Variants in SSUH2 observed in about 807,000 individuals in gnomAD.
SSUH2 encodes protein SSUH2 homolog.
SSUH2 carries 47 observed loss-of-function variants against 55.3 expected under a neutral mutation model. The observed-to-expected ratio is 0.85, with a 90% CI of 0.67 to 1.08. The LOEUF (loss-of-function observed/expected upper bound fraction) is 1.08. Among genes scored for constraint, SSUH2 ranks in the 50% least tolerant of loss-of-function variants. The pLI is 0.00. For missense variants in SSUH2, 535 were observed against 490.7 expected, an observed-to-expected ratio of 1.09 and a Z score of -0.85; for synonymous variants, 212 against 191.5, an observed-to-expected ratio of 1.11 and a Z score of -0.89.
At chr3:8,653,349 C>A (rs1161046194) in intron 7 of SSUH2, among the ~76,000 whole-genome samples, 1 of 152,168 alleles carries the variant, frequency 6.6e-6, no homozygotes, top group Non-Finnish European at 1.5e-5. Flanking sequence ...AGATTAAAAA[C>A]TAAAAACTAA....
intron 4 of SSUH2, among the ~76,000 whole-genome samples, chr3:8,632,344 G>A (rs774703992): frequency 6.6e-6 from 1 of 152,150 alleles, no homozygotes; most frequent in African/African-American, 2.4e-5. Context: ...TCAAACTAGA[G>A]CTAATTCAGT....
upstream of SSUH2, among the ~76,000 whole-genome samples, chr3:8,648,592 C>G (rs1321742467): frequency 6.6e-6 from 1 of 152,054 alleles, no homozygotes; most frequent in African/African-American, 2.4e-5. Context: ...TTTCTAGAAG[C>G]TTCCAATGAG....
chr3:8,630,859 C>T lies in SSUH2; in HGVS notation c.471G>A (p.Pro157=), dbSNP rs771750632. 9 of 1,507,030 alleles carry T rather than the reference C, an allele frequency of 6.0e-6. No individual in the cohort carries two copies. The South Asian group carries it at 9.5e-5, about 16-fold the overall frequency. 93.4% of individuals were successfully genotyped at this position (1,507,030 alleles called of 1,614,324 possible). A position where few individuals can be genotyped will look rare whatever the true frequency, so the allele number is the denominator to read the frequency against. Residue 157 remains proline, a synonymous_variant, in exon 6 of 12, where the codon CCG becomes CCA. Coordinates refer to ENST00000544814, the MANE Select transcript of SSUH2 (RefSeq NM_001256748.3). ...ACTTCCTGGTGTCTTCCTGAAACAT[C>T]GGAGGACCTTGAACCTTGATGTCCC... The part of the protein sequence containing the change: ...RLWDIKVQGP[P]MFQEDTRKFQ...
chr3:8,663,901 G>C (rs1303755546), intron 5 of SSUH2: 1 of 445,108 alleles, frequency 2.2e-6, no homozygotes. Context: ...CACAAAGGAG[G>C]GAACTGCTTT....
intron 7 of SSUH2, among the ~76,000 whole-genome samples, chr3:8,654,281 G>A (rs1404105411): frequency 6.6e-6 from 1 of 152,192 alleles, no homozygotes; most frequent in African/African-American, 2.4e-5. Flanking sequence ...ACGTCCTAAA[G>A]ACTCCATCTC....
intron 5 of SSUH2, chr3:8,663,830 G>A (rs1242053995): frequency 5.0e-5 from 23 of 456,506 alleles, no homozygotes; most frequent in East Asian, 3.5e-4. Context: ...ATAAATTTAC[G>A]GAAAAATTCT....
Position 8,623,358 on chromosome 3 carries a change from G to A in SSUH2, c.981+191C>T, listed in dbSNP as rs1696836085. The A allele has an allele frequency of 7.9e-6, 4 of 506,726 alleles. No individual in the cohort carries two copies. In the Admixed American group the frequency reaches 1.4e-4, roughly 17 times the overall value. 31.4% of individuals were successfully genotyped at this position (506,726 alleles called of 1,614,324 possible). ...TCTCCTGCGACCCACGGTCCTTCCT[G>A]CCTCTGCGTCTTACTTGCCCTGCTC... On this transcript the variant is annotated intron_variant, in intron 11 of 11. Transcript: ENST00000544814.
chr3:8,653,976 G>C (rs1185620681), intron 7 of SSUH2, among the ~76,000 whole-genome samples: 1 of 152,170 alleles, frequency 6.6e-6, no homozygotes. Flanking sequence ...GATACATTTG[G>C]ACTCAAACAG....
At chr3:8,626,969 A>C (rs1380299504) in intron 8 of SSUH2, 1 of 152,140 alleles carries the variant, frequency 6.6e-6, no homozygotes, top group Non-Finnish European at 1.5e-5. Context: ...GATTCCTTTC[A>C]CTTGCAAATG....
intron 5 of SSUH2, among the ~76,000 whole-genome samples, chr3:8,668,062 AATT>A (rs1474533833): frequency 6.6e-6 from 1 of 152,184 alleles, no homozygotes; most frequent in Non-Finnish European, 1.5e-5. Flanking sequence ...TAAATTAACT[AATT>A]AAAAGACCCA....
intron 5 of SSUH2, among the ~76,000 whole-genome samples, chr3:8,666,563 C>T (rs1704010426): frequency 6.6e-6 from 1 of 152,144 alleles, no homozygotes; most frequent in Non-Finnish European, 1.5e-5. Flanking sequence ...CTCTCCCAAA[C>T]CATGTTTTTC....
At chr3:8,636,308 G>A (rs762446659) in intron 1 of SSUH2, among the ~76,000 whole-genome samples, 4 of 152,076 alleles carry the variant, frequency 2.6e-5, no homozygotes, top group Non-Finnish European at 5.9e-5. Flanking sequence ...CTATTATGCT[G>A]GAGGGACCAT....
intron 6 of SSUH2, among the ~76,000 whole-genome samples, chr3:8,661,338 G>A (rs1186626530): frequency 6.6e-6 from 1 of 152,160 alleles, no homozygotes; most frequent in Non-Finnish European, 1.5e-5. Flanking sequence ...TGCTCTGAAA[G>A]TATTCACTGT....
chr3:8,628,694 A>C (rs1213178746), intron 7 of SSUH2, among the ~76,000 whole-genome samples: 1 of 152,216 alleles, frequency 6.6e-6, no homozygotes, highest in Non-Finnish European at 1.5e-5. Flanking sequence ...GTCACAAGCC[A>C]AGGAACACCA....
At chr3:8,626,656 G>A (rs986676518) in intron 8 of SSUH2, among the ~76,000 whole-genome samples, 2 of 151,732 alleles carry the variant, frequency 1.3e-5, no homozygotes, top group African/African-American at 4.8e-5. Context: ...CATGACCCAG[G>A]CGAGTGCAAT....
intron 7 of SSUH2, among the ~76,000 whole-genome samples, chr3:8,654,325 C>G (rs747439818): frequency 6.6e-6 from 1 of 152,250 alleles, no homozygotes; most frequent in Non-Finnish European, 1.5e-5. Context: ...AGGGCTTCAA[C>G]AGATGAATTT....
At chr3:8,681,268 G>C (rs558863975) in intron 1 of SSUH2, among the ~76,000 whole-genome samples, 1 of 144,496 alleles carries the variant, frequency 6.9e-6, no homozygotes, top group Non-Finnish European at 1.5e-5. Context: ...GTGAGGCAGG[G>C]ACTGACAGCC....
At chr3:8,645,460 T>C (rs961006639), upstream of SSUH2, among the ~76,000 whole-genome samples, 1 of 152,218 alleles carries the variant, frequency 6.6e-6, no homozygotes, top group Non-Finnish European at 1.5e-5. Context: ...ACCTTTTCCA[T>C]TGGAGTTTGA....
intron 5 of SSUH2, chr3:8,664,042 G>A (rs989538328): frequency 8.9e-6 from 3 of 335,600 alleles, no homozygotes; most frequent in Admixed American, 3.9e-5. Flanking sequence ...ATGTCAACAC[G>A]AGGTTTCTGC....
Sources: gnomAD v4.1 joint callset for allele counts (sites outside exome capture counted in the v4.1 genomes callset) on GRCh38, gnomAD v4.1.1 for gene constraint, MANE v1.5 for transcripts, NCBI Gene and HGNC (gene_info 2026-07-23, HGNC 2026-07-21) for gene names.